Variants in DIP2B observed in about 807,000 individuals in gnomAD.
DIP2B encodes DIP2 acetate--CoA ligase B (putative).
In DIP2B, 76 loss-of-function variants were observed where a neutral mutation model predicts 198.0. That is an observed-to-expected ratio of 0.38 (90% confidence interval 0.32 to 0.46). DIP2B has a LOEUF of 0.46. Among genes scored for constraint, DIP2B ranks in the 20% least tolerant of loss-of-function variants. The pLI is 0.99. For missense variants in DIP2B, 1,559 were observed against 1,978.4 expected, an observed-to-expected ratio of 0.79 and a Z score of 4.02; for synonymous variants, 701 against 739.1, an observed-to-expected ratio of 0.95 and a Z score of 0.84.
intron 21 of DIP2B, 47 bp from the exon 22 acceptor site, chr12:50,708,401 G>T: frequency 1.3e-6 from 2 of 1,518,534 alleles, no homozygotes; most frequent in Non-Finnish European, 1.8e-6. Context: ...AAACAAATAG[G>T]ACTGGTTGTG....
chr12:50,572,712 T>C (rs903342137), intron 1 of DIP2B, among the ~76,000 whole-genome samples: 1 of 152,232 alleles, frequency 6.6e-6, no homozygotes, highest in African/African-American at 2.4e-5. Flanking sequence ...GAAAAGTCTA[T>C]AAAATTAGTT....
intron 3 of DIP2B, among the ~76,000 whole-genome samples, chr12:50,653,002 G>A (rs536273376): frequency 2.6e-5 from 4 of 151,292 alleles, no homozygotes; most frequent in Non-Finnish European, 5.9e-5. Flanking sequence ...GGAGTGCAGC[G>A]GTGTGATCAT....
chr12:50,600,028 G>T (rs1958921514), intron 1 of DIP2B, among the ~76,000 whole-genome samples: 1 of 152,158 alleles, frequency 6.6e-6, no homozygotes, highest in Admixed American at 6.5e-5. Flanking sequence ...GAGAACCTTT[G>T]TTTTTAATTA....
At chr12:50,512,107 C>CT (rs35584870) in intron 1 of DIP2B, among the ~76,000 whole-genome samples, 82,307 of 122,104 alleles carry the variant, frequency 0.67, 28,673 homozygotes, top group Non-Finnish European at 0.72. Context: ...AATGTAAGCT[C>CT]TTTTTTTTTT....
At chr12:50,536,385 A>G (rs1958267641) in intron 1 of DIP2B, among the ~76,000 whole-genome samples, 1 of 152,198 alleles carries the variant, frequency 6.6e-6, no homozygotes, top group Non-Finnish European at 1.5e-5. Flanking sequence ...GGAAGGCTGC[A>G]GTGATCATAG....
chr12:50,718,804 G>A lies in DIP2B; in HGVS notation c.2947G>A (p.Asp983Asn), dbSNP rs769857080. 1.8e-5 allele frequency: 29 copies of A among 1,614,130 alleles called. No homozygotes were observed. The highest frequency in any genetic ancestry group is 2.3e-5 in the Non-Finnish European group (27 of 1,180,000). The change falls in exon 24 of 38, where the codon GAT becomes AAT. Residue 983 changes from aspartate (D) to asparagine (N), a missense_variant. Physicochemically the swap from Asp to Asn is conservative, Grantham distance 23. Coordinates refer to ENST00000301180, the MANE Select transcript of DIP2B (RefSeq NM_173602.3). ...GRDLGQIEEN[D>N]LVRKHQFLAE... ...GGATCTGGGACAAATAGAAGAGAAT[G>A]ATTTGGTGAGGAAGGTAAGTGTTCC...
Position 50,504,999 on chromosome 12 carries a change from C to T in DIP2B, c.-142C>T, listed in dbSNP as rs1957951315. ...CCGTCGCGCTCACGTGACCTTTGCTCATGGCGGCGGCGGCGGCGGCGGCGG... is the reference window on the plus strand; with the variant it reads ...CCGTCGCGCTCACGTGACCTTTGCTTATGGCGGCGGCGGCGGCGGCGGCGG... On this transcript the variant is annotated 5_prime_UTR_variant, in exon 1 of 38. Transcript: ENST00000301180. The T allele has an allele frequency of 5.5e-6, 3 of 545,414 alleles. No individual in the cohort carries two copies. Among genetic ancestry groups the T allele is most frequent in the Non-Finnish European group, 9.5e-6 (3 of 314,272 alleles). 33.8% of individuals were successfully genotyped at this position (545,414 alleles called of 1,614,324 possible).
chr12:50,568,344 GCTT>G (rs781058928), intron 1 of DIP2B, among the ~76,000 whole-genome samples: 7 of 152,154 alleles, frequency 4.6e-5, no homozygotes, highest in Non-Finnish European at 1.0e-4. Flanking sequence ...GCTCCTAGGG[GCTT>G]CTTTTCCCAG....
At chr12:50,711,247 G>A (rs553457065) in intron 22 of DIP2B, among the ~76,000 whole-genome samples, 3 of 152,116 alleles carry the variant, frequency 2.0e-5, no homozygotes, top group East Asian at 1.9e-4. Flanking sequence ...AGTAAATGAC[G>A]CCATGTATTC....
intron 22 of DIP2B, among the ~76,000 whole-genome samples, chr12:50,711,583 TAG>T (rs1939616840): frequency 6.6e-6 from 1 of 152,122 alleles, no homozygotes; most frequent in Non-Finnish European, 1.5e-5. Context: ...GTTTTTGAGA[TAG>T]AGTTTCACTC....
chr12:50,731,985 T>C (rs1301512886), intron 31 of DIP2B, among the ~76,000 whole-genome samples: 1 of 152,194 alleles, frequency 6.6e-6, no homozygotes, highest in Non-Finnish European at 1.5e-5. Context: ...TTTTCTTTGA[T>C]AGAAAAATAT....
chr12:50,660,133 T>C, intron 3 of DIP2B, 61 bp from the exon 4 acceptor site: 4 of 1,436,010 alleles, frequency 2.8e-6, no homozygotes, highest in Non-Finnish European at 2.8e-6. Context: ...ATAGTTCAGC[T>C]CACAGTGGTA....
intron 1 of DIP2B, among the ~76,000 whole-genome samples, chr12:50,554,285 T>C (rs1007524687): frequency 2.0e-5 from 3 of 152,202 alleles, no homozygotes; most frequent in Non-Finnish European, 2.9e-5. Flanking sequence ...CATATAGTTA[T>C]AGCATAATTT....
At chr12:50,591,124 C>G (rs953972932) in intron 1 of DIP2B, among the ~76,000 whole-genome samples, 2 of 152,202 alleles carry the variant, frequency 1.3e-5, no homozygotes, top group South Asian at 4.1e-4. Flanking sequence ...GCCTCCATAA[C>G]TGTGAATAAT....
intron 3 of DIP2B, among the ~76,000 whole-genome samples, chr12:50,642,045 A>G (rs1938265217): frequency 6.6e-6 from 1 of 152,190 alleles, no homozygotes; most frequent in South Asian, 2.1e-4. Context: ...TTGAAGAGCT[A>G]CATCAGCTAT....
At chr12:50,679,011 T>G in intron 8 of DIP2B, 135 bp downstream of exon 8, 7 of 1,001,474 alleles carry the variant, frequency 7.0e-6, no homozygotes, top group Non-Finnish European at 1.0e-5. Context: ...AAAAGGATCC[T>G]AAGCTCTAAG....
intron 25 of DIP2B, among the ~76,000 whole-genome samples, chr12:50,720,069 T>G (rs193139530): frequency 6.6e-6 from 1 of 151,406 alleles, no homozygotes; most frequent in East Asian, 2.0e-4. Flanking sequence ...TAGCTGGGAT[T>G]ACAGGTGCCC....
At chr12:50,697,712 G>T (rs1357866799) in intron 17 of DIP2B, among the ~76,000 whole-genome samples, 3 of 151,198 alleles carry the variant, frequency 2.0e-5, no homozygotes, top group African/African-American at 7.3e-5. Flanking sequence ...AAATTTTTTT[G>T]TAGAGATAGG....
intron 1 of DIP2B, among the ~76,000 whole-genome samples, chr12:50,622,739 G>T (rs1937838820): frequency 6.6e-6 from 1 of 152,146 alleles, no homozygotes; most frequent in Admixed American, 6.5e-5. Flanking sequence ...AGTCTCCTGA[G>T]TAGCTGAGAC....
Sources: allele counts gnomAD v4.1 joint callset (sites outside exome capture counted in the v4.1 genomes callset), GRCh38; gene constraint gnomAD v4.1.1; transcripts MANE v1.5; gene names NCBI Gene and HGNC (gene_info 2026-07-23, HGNC 2026-07-21).